PDE2A: variants seen among roughly 807,000 people sequenced by gnomAD.
PDE2A encodes phosphodiesterase 2A, also known as cGMP-dependent 3',5'-cyclic phosphodiesterase.
PDE2A carries 53 observed loss-of-function variants against 133.6 expected under a neutral mutation model. The ratio of observed to expected loss-of-function variants is 0.40; its 90% CI spans 0.32 to 0.50. The LOEUF is 0.50. Among genes scored for constraint, PDE2A ranks in the 20% least tolerant of loss-of-function variants. PDE2A has a pLI of 0.73. For missense variants in PDE2A, 796 were observed against 1,232.4 expected (o/e 0.65, Z 5.30); for synonymous variants, 491 against 490.2 (o/e 1.00, Z -0.02).
chr11:72,595,130 A>G (rs1383872447), intron 6 of PDE2A, among the ~76,000 whole-genome samples: 1 of 152,120 alleles, frequency 6.6e-6, no homozygotes, highest in Non-Finnish European at 1.5e-5. Context: ...TCCGCCCACA[A>G]GGGAAGCAAC....
At chr11:72,665,249 T>G (rs749441713) in intron 1 of PDE2A, among the ~76,000 whole-genome samples, 137 of 152,200 alleles carry the variant, frequency 9.0e-4, no homozygotes, top group Non-Finnish European at 1.4e-3. Context: ...AGAGCCCATG[T>G]TTGAGCCCCA....
intron 1 of PDE2A, among the ~76,000 whole-genome samples, chr11:72,673,668 C>T (rs189498324): frequency 5.3e-4 from 81 of 152,178 alleles, no homozygotes; most frequent in Admixed American, 2.5e-3. Flanking sequence ...CAGGGCCACT[C>T]TTATTCATAT....
At chr11:72,643,779 T>C (rs1243165092) in intron 1 of PDE2A, among the ~76,000 whole-genome samples, 1 of 152,146 alleles carries the variant, frequency 6.6e-6, no homozygotes, top group Non-Finnish European at 1.5e-5. Flanking sequence ...AGCTGGCACA[T>C]AGCCTTGGCA....
At chr11:72,625,647 G>A (rs933722812) in intron 2 of PDE2A, among the ~76,000 whole-genome samples, 2 of 152,146 alleles carry the variant, frequency 1.3e-5, no homozygotes, top group Admixed American at 1.3e-4. Context: ...ACATGAGAGA[G>A]GTGGAGGGCA....
At chr11:72,655,693 GATGA>G (rs948015133) in intron 1 of PDE2A, among the ~76,000 whole-genome samples, 2 of 152,150 alleles carry the variant, frequency 1.3e-5, no homozygotes, top group African/African-American at 4.8e-5. Context: ...ACAGTGGAGT[GATGA>G]ATGAGATGAT....
At chr11:72,648,898 C>A (rs1181179314) in intron 1 of PDE2A, among the ~76,000 whole-genome samples, 1 of 152,172 alleles carries the variant, frequency 6.6e-6, no homozygotes, top group Admixed American at 6.5e-5. Context: ...CATCCTCAAG[C>A]ACATGCTCAC....
intron 18 of PDE2A, 71 bp from the exon 19 acceptor site, chr11:72,584,384 G>C (rs1565150257): frequency 1.6e-6 from 2 of 1,266,916 alleles, no homozygotes; most frequent in Non-Finnish European, 2.3e-6. Context: ...ATCCGGCCGG[G>C]ACCTGCCCTC....
intron 22 of PDE2A, 40 bp downstream of exon 22, chr11:72,581,835 AAG>A: frequency 6.4e-7 from 1 of 1,574,686 alleles, no homozygotes; most frequent in Non-Finnish European, 8.7e-7. Context: ...CAGTAGAGGA[AAG>A]AGGGAGGCGA....
intron 1 of PDE2A, among the ~76,000 whole-genome samples, chr11:72,661,813 C>T (rs1407629137): frequency 2.0e-5 from 3 of 152,232 alleles, no homozygotes; most frequent in Non-Finnish European, 4.4e-5. Context: ...TGTGCTGAAT[C>T]GTACCTGTGT....
At chr11:72,607,144 G>C (rs952803138) in intron 3 of PDE2A, among the ~76,000 whole-genome samples, 1 of 152,184 alleles carries the variant, frequency 6.6e-6, no homozygotes, top group African/African-American at 2.4e-5. Flanking sequence ...GGCTTCCCTA[G>C]CTCCTATAGG....
intron 4 of PDE2A, among the ~76,000 whole-genome samples, chr11:72,602,632 C>G (rs1591053578): frequency 6.6e-6 from 1 of 152,220 alleles, no homozygotes; most frequent in South Asian, 2.1e-4. Flanking sequence ...GTCGTTTTCT[C>G]AAGGTCACTC....
At chr11:72,585,636 G>A (rs200956683) in intron 14 of PDE2A, 43 bp from the exon 15 acceptor site, 99 of 1,592,224 alleles carry the variant, frequency 6.2e-5, no homozygotes, top group Middle Eastern at 1.7e-4. Flanking sequence ...TCGGGGTGTA[G>A]GGGTCACCCT....
At position 72,628,391 on chromosome 11, in the gene PDE2A, C is replaced by T. The variant is rs191249655; in HGVS notation, c.144+13863G>A. Among the ~76,000 whole-genome samples the T allele has an allele frequency of 4.9e-4, 74 of 149,984 alleles. 1 individual carries two copies. In the Middle Eastern group the frequency reaches 0.01, roughly 21 times the overall value. On this transcript the variant is annotated intron_variant, in intron 2 of 30. Coordinates refer to ENST00000334456, the MANE Select transcript of PDE2A (RefSeq NM_002599.5). Reference sequence around the variant, plus strand: ...TGTCACCCAGGCTGAAGTGCAGTGGCGCGATCTCGGCTCACTGCAAGCTCT... The same window carrying T: ...TGTCACCCAGGCTGAAGTGCAGTGGTGCGATCTCGGCTCACTGCAAGCTCT...
intron 4 of PDE2A, among the ~76,000 whole-genome samples, chr11:72,600,114 A>G (rs1391357374): frequency 6.6e-6 from 1 of 152,200 alleles, no homozygotes; most frequent in Non-Finnish European, 1.5e-5. Flanking sequence ...GCCGAGAGCA[A>G]GGCTAGACAG....
intron 1 of PDE2A, among the ~76,000 whole-genome samples, chr11:72,646,454 A>G (rs1348507163): frequency 2.0e-5 from 3 of 152,240 alleles, no homozygotes; most frequent in African/African-American, 7.2e-5. Context: ...CTGAGATGGC[A>G]CAGCTGGTTA....
intron 19 of PDE2A, 100 bp downstream of exon 19, chr11:72,584,101 A>AG: frequency 1.5e-6 from 1 of 682,856 alleles, no homozygotes; most frequent in South Asian, 1.7e-5. Flanking sequence ...AGACCAAGGG[A>AG]TCAATCCACA....
At chr11:72,632,775 C>T (rs964954287) in intron 2 of PDE2A, among the ~76,000 whole-genome samples, 1 of 152,088 alleles carries the variant, frequency 6.6e-6, no homozygotes, top group African/African-American at 2.4e-5. Context: ...CCAGCTCCCC[C>T]CTCACACCTC....
chr11:72,609,561 A>AC (rs1209117970), intron 2 of PDE2A, among the ~76,000 whole-genome samples: 4 of 152,188 alleles, frequency 2.6e-5, no homozygotes, highest in African/African-American at 9.7e-5. Context: ...CATCCCAGGA[A>AC]CAGAACTCGT....
chr11:72,619,673 G>T (rs570445088), intron 2 of PDE2A, among the ~76,000 whole-genome samples: 1 of 152,142 alleles, frequency 6.6e-6, no homozygotes, highest in Admixed American at 6.5e-5. Flanking sequence ...CTGTGAATGC[G>T]CTGGTGGTTA....
Sources: gnomAD v4.1 joint callset for allele counts (sites outside exome capture counted in the v4.1 genomes callset) on GRCh38, gnomAD v4.1.1 for gene constraint, MANE v1.5 for transcripts, NCBI Gene and HGNC (gene_info 2026-07-23, HGNC 2026-07-21) for gene names.